Variants in DDRGK1 observed in about 807,000 individuals in gnomAD.
The protein encoded by DDRGK1 is DDRGK domain-containing protein 1.
A neutral mutation model predicts 45.8 loss-of-function variants in DDRGK1; 38 were observed. The observed-to-expected ratio is 0.83, with a 90% CI of 0.64 to 1.09. The LOEUF is 1.09. Ranked by LOEUF, DDRGK1 falls within the 50% of genes least tolerant of loss-of-function variation. DDRGK1 has a pLI of 0.00. For synonymous variants in DDRGK1, 171 were observed against 168.7 expected (o/e 1.01, Z -0.11); for missense variants, 403 against 419.9 (o/e 0.96, Z 0.35).
intron 4 of DDRGK1, among the ~76,000 whole-genome samples, chr20:3,199,362 C>T (rs962711264): frequency 6.6e-6 from 1 of 152,182 alleles, no homozygotes; most frequent in African/African-American, 2.4e-5. Context: ...ATGCCTCCCC[C>T]ATGCTGTATT....
Position 3,191,903 on chromosome 20 carries a change from C to T in DDRGK1, c.673-82G>A, listed in dbSNP as rs532559700. On this transcript the variant is annotated intron_variant, in intron 6 of 8. Transcript: ENST00000354488. ...CATGGGCACCCTCCAGGTTTGCATT[C>T]TGATCTGATCTGTTCTCGGTGGCTG... 15 of 1,401,654 alleles carry T rather than the reference C, an allele frequency of 1.1e-5. No individual in the cohort carries two copies. In the Admixed American group the frequency reaches 3.0e-4, roughly 28 times the overall value. 86.8% of individuals were successfully genotyped at this position (1,401,654 alleles called of 1,614,324 possible). A position where few individuals can be genotyped will look rare whatever the true frequency, so the allele number is the denominator to read the frequency against.
intron 6 of DDRGK1, among the ~76,000 whole-genome samples, chr20:3,193,505 G>A (rs2066997864): frequency 6.6e-6 from 1 of 152,128 alleles, no homozygotes; most frequent in Admixed American, 6.5e-5. Context: ...TGAGTAGCTG[G>A]GACTACAGGT....
Position 3,190,776 on chromosome 20 carries a change from C to T in DDRGK1, c.822G>A (p.Glu274=). ...TGAAGTTGGCCACGGCGGCCAGTTC[C>T]TCTGGGGTTATGTAGATGAACTTGC... ...DRGKFIYITP[E]ELAAVANFIR... Residue 274 remains glutamate, a synonymous_variant, in exon 9 of 9, where the codon GAG becomes GAA. Transcript: ENST00000354488. 6.2e-7 allele frequency: 1 copy of T among 1,613,932 alleles called. No homozygotes were observed. The highest frequency in any genetic ancestry group is 1.1e-5 in the South Asian group (1 of 91,034).
intron 2 of DDRGK1, among the ~76,000 whole-genome samples, chr20:3,200,837 A>G (rs201358329): frequency 2.7e-3 from 410 of 152,256 alleles, no homozygotes; most frequent in Middle Eastern, 0.024. Context: ...AGGGCTGGGC[A>G]CGGTGGCTCA....
At chr20:3,202,073 G>A (rs553340435) in intron 2 of DDRGK1, among the ~76,000 whole-genome samples, 11 of 151,772 alleles carry the variant, frequency 7.2e-5, no homozygotes, top group South Asian at 6.3e-4. Flanking sequence ...TCCACCTCCC[G>A]GGTTCATGGC....
chr20:3,198,402 C>CAA (rs34379071), intron 4 of DDRGK1, among the ~76,000 whole-genome samples: 1,411 of 75,168 alleles, frequency 0.019, 57 homozygotes, highest in African/African-American at 0.066. Context: ...GACTCTGTCT[C>CAA]AAAAAAAAAA....
chr20:3,191,410 T>A (rs889535863), intron 7 of DDRGK1, 172 bp from the exon 8 acceptor site: 3 of 728,614 alleles, frequency 4.1e-6, no homozygotes, highest in Non-Finnish European at 7.0e-6. Context: ...GCTCTGGTCC[T>A]GGGCCCTGCA....
At chr20:3,191,497 A>G (rs2066989151) in intron 7 of DDRGK1, 6 of 681,142 alleles carry the variant, frequency 8.8e-6, no homozygotes, top group Non-Finnish European at 1.6e-5. Context: ...CAGTCTGTGC[A>G]TGAGAGTTGT....
chr20:3,201,803 G>A (rs750035772), intron 2 of DDRGK1, among the ~76,000 whole-genome samples: 155 of 139,878 alleles, frequency 1.1e-3, no homozygotes, highest in Non-Finnish European at 2.1e-3. Context: ...AACTACAGGC[G>A]CCAGCCACCA....
intron 1 of DDRGK1, among the ~76,000 whole-genome samples, chr20:3,203,759 G>GT (rs2067052590): frequency 6.6e-6 from 1 of 152,226 alleles, no homozygotes; most frequent in Non-Finnish European, 1.5e-5. Flanking sequence ...ACCACCTGTG[G>GT]TTTTATCTGG....
At chr20:3,191,885 ACCC>A (rs2066990848) in intron 6 of DDRGK1, 64 bp from the exon 7 acceptor site, 1 of 1,521,346 alleles carries the variant, frequency 6.6e-7, no homozygotes, top group Non-Finnish European at 8.9e-7. Flanking sequence ...AAGCATGGGC[ACCC>A]TCCAGGTTTG....
At chr20:3,199,628 C>G (rs962927561) in intron 4 of DDRGK1, among the ~76,000 whole-genome samples, 1 of 152,156 alleles carries the variant, frequency 6.6e-6, no homozygotes, top group African/African-American at 2.4e-5. Flanking sequence ...GCCAGGCCCT[C>G]GATGTAAGAA....
At chr20:3,196,634 C>T (rs1260559472) in intron 4 of DDRGK1, among the ~76,000 whole-genome samples, 2 of 152,014 alleles carry the variant, frequency 1.3e-5, no homozygotes, top group East Asian at 1.9e-4. Flanking sequence ...TGAGCCGAGA[C>T]TGTGCCACTG....
At chr20:3,194,533 T>C (rs957482253) in intron 6 of DDRGK1, among the ~76,000 whole-genome samples, 1 of 152,220 alleles carries the variant, frequency 6.6e-6, no homozygotes, top group Admixed American at 6.5e-5. Context: ...GTGAAGAGAC[T>C]TGAAAACACA....
At chr20:3,200,190 G>A in intron 3 of DDRGK1, 88 bp from the exon 4 acceptor site, 1 of 1,518,986 alleles carries the variant, frequency 6.6e-7, no homozygotes, top group South Asian at 1.2e-5. Context: ...GCAATGCCTG[G>A]GCCAGGGCAC....
intron 2 of DDRGK1, among the ~76,000 whole-genome samples, chr20:3,202,650 A>G (rs1331758286): frequency 1.3e-5 from 2 of 152,194 alleles, no homozygotes; most frequent in Non-Finnish European, 2.9e-5. Flanking sequence ...TAATCCCCAA[A>G]GGTACAAGGC....
intron 4 of DDRGK1, among the ~76,000 whole-genome samples, chr20:3,197,884 G>A (rs925674054): frequency 7.6e-5 from 11 of 145,214 alleles, no homozygotes; most frequent in East Asian, 2.0e-4. Flanking sequence ...GAGCTATCGC[G>A]CCACTGCACT....
rs775430446 is a variant in DDRGK1 at position 3,191,750 on chromosome 20, C to T, written c.729+15G>A. ...TGGCCACACTGCACACAGCAGGCCA[C>T]GTTCCAGGGCTTACCTGAGTGCGTA... On this transcript the variant is annotated intron_variant, in intron 7 of 8. Transcript: ENST00000354488. 8.8e-6 allele frequency: 14 copies of T among 1,597,132 alleles called. No homozygotes were observed. Among genetic ancestry groups the T allele is most frequent in the Middle Eastern group, 1.7e-4 (1 of 6,058 alleles).
chr20:3,202,722 C>T (rs2067045325), intron 2 of DDRGK1, among the ~76,000 whole-genome samples: 1 of 152,228 alleles, frequency 6.6e-6, no homozygotes, highest in Admixed American at 6.5e-5. Flanking sequence ...CAGGCTCAAG[C>T]CAGCTGCCAA....
Sources: allele counts gnomAD v4.1 joint callset (sites outside exome capture counted in the v4.1 genomes callset), GRCh38; gene constraint gnomAD v4.1.1; transcripts MANE v1.5; gene names NCBI Gene and HGNC (gene_info 2026-07-23, HGNC 2026-07-21).